SLC30A8: variants seen among roughly 807,000 people sequenced by gnomAD.
The protein encoded by SLC30A8 is proton-coupled zinc antiporter SLC30A8.
A neutral mutation model predicts 36.9 loss-of-function variants in SLC30A8; 27 were observed. The ratio of observed to expected loss-of-function variants is 0.73; its 90% CI spans 0.54 to 1.01. The LOEUF (loss-of-function observed/expected upper bound fraction) is 1.01. Among genes scored for constraint, SLC30A8 ranks in the 50% least tolerant of loss-of-function variants. The pLI is 0.00. For synonymous variants in SLC30A8, 164 were observed against 172.4 expected (o/e 0.95, Z 0.38); for missense variants, 439 against 452.0 (o/e 0.97, Z 0.26).
chr8:116,987,719 T>C (rs573676250), intron 1 of SLC30A8, among the ~76,000 whole-genome samples: 7 of 152,298 alleles, frequency 4.6e-5, no homozygotes. Flanking sequence ...TTTCTGAGAC[T>C]GAGTATCACT....
In SLC30A8 at chr8:117,172,953, T is replaced by C. The variant is rs1366756095; in HGVS notation, c.*272T>C. On this transcript the variant is annotated 3_prime_UTR_variant, in exon 8 of 8. Coordinates refer to ENST00000456015, the MANE Select transcript of SLC30A8 (RefSeq NM_173851.3). ...GAGTGGAGCCGAAGTAACAGCTGTT[T>C]GTAACTATCGGCAATACCAAATTCA... The C allele has an allele frequency of 5.0e-6, 2 of 399,518 alleles. No homozygotes were observed. The highest frequency in any genetic ancestry group is 4.1e-5 in the African/African-American group (2 of 49,132). 24.7% of individuals were successfully genotyped at this position (399,518 alleles called of 1,614,324 possible).
At position 117,171,029 on chromosome 8, in the gene SLC30A8, G is replaced by A; in HGVS notation, c.830-5G>A. 2 of 1,582,170 alleles carry A rather than the reference G, an allele frequency of 1.3e-6. No homozygotes were observed. Among genetic ancestry groups the A allele is most frequent in the Non-Finnish European group, 1.7e-6 (2 of 1,165,916 alleles). ...CTACAGCCTCCATCTCTTCCCTTTTGTCAGGTGTGCCAAAGAGCCTGAATT... is the reference window on the plus strand; with the variant it reads ...CTACAGCCTCCATCTCTTCCCTTTTATCAGGTGTGCCAAAGAGCCTGAATT... On this transcript the variant is annotated splice_region_variant and splice_polypyrimidine_tract_variant and intron_variant, in intron 6 of 7. Transcript: ENST00000456015.
intron 1 of SLC30A8, among the ~76,000 whole-genome samples, chr8:116,997,346 A>G (rs984075501): frequency 1.3e-5 from 2 of 152,208 alleles, no homozygotes; most frequent in Non-Finnish European, 2.9e-5. Flanking sequence ...ATGCAAAAAC[A>G]TTAATTTTTA....
chr8:117,157,856 C>CCTG lies in SLC30A8; in HGVS notation c.572+13_572+15dup. ...GCGGCCAACATTGTGTAAGTCATCCCCTGGTCCCCACACACTGCTCATGAG... is the reference window on the plus strand; with the variant it reads ...GCGGCCAACATTGTGTAAGTCATCCCCTGCTGGTCCCCACACACTGCTCATGAG... On this transcript the variant is annotated intron_variant, in intron 4 of 7. Coordinates refer to ENST00000456015, the MANE Select transcript of SLC30A8 (RefSeq NM_173851.3). 6.2e-7 allele frequency: 1 copy of CCTG among 1,613,556 alleles called. No homozygotes were observed. Among genetic ancestry groups the CCTG allele is most frequent in the Non-Finnish European group, 8.5e-7 (1 of 1,179,770 alleles).
chr8:117,152,549 C>G (rs968640859), intron 2 of SLC30A8, among the ~76,000 whole-genome samples: 1 of 152,166 alleles, frequency 6.6e-6, no homozygotes, highest in East Asian at 1.9e-4. Flanking sequence ...ATCGCAACAT[C>G]TAGTTTATAA....
At chr8:116,960,441 T>C (rs1814379329) in intron 1 of SLC30A8, among the ~76,000 whole-genome samples, 1 of 152,216 alleles carries the variant, frequency 6.6e-6, no homozygotes. Context: ...TACTGGGACA[T>C]TGTGGTAAGA....
At chr8:117,102,755 A>G (rs1209143898) in intron 2 of SLC30A8, among the ~76,000 whole-genome samples, 7 of 152,210 alleles carry the variant, frequency 4.6e-5, no homozygotes, top group African/African-American at 1.7e-4. Context: ...TCTGTATCCA[A>G]ATGTCTCTCT....
rs1381917578 is a variant in SLC30A8, at chr8:117,147,029, C to T, written c.147C>T (p.Gly49=). The T allele has an allele frequency of 6.2e-7, 1 of 1,614,092 alleles. No individual in the cohort carries two copies. The highest frequency in any genetic ancestry group is 1.3e-5 in the African/African-American group (1 of 75,026). The change falls in exon 2 of 8, where the codon GGC becomes GGT. Residue 49 remains glycine (G), a synonymous_variant. Transcript: ENST00000456015. ...RERPEELESG[G]MYHCHSGSKP... Reference sequence around the variant, plus strand: ...GACCAGAGGAGCTGGAGTCAGGAGGCATGTACCACTGCCACAGTGGCTCCA... The same window carrying T: ...GACCAGAGGAGCTGGAGTCAGGAGGTATGTACCACTGCCACAGTGGCTCCA...
chr8:117,004,844 G>A (rs528948504), intron 1 of SLC30A8, among the ~76,000 whole-genome samples: 7 of 151,860 alleles, frequency 4.6e-5, no homozygotes, highest in East Asian at 1.9e-4. Flanking sequence ...GCCATCTTTC[G>A]ATGCACGTTT....
intron 2 of SLC30A8, among the ~76,000 whole-genome samples, chr8:117,097,396 CAAAAAAAA>C (rs1157294543): frequency 2.8e-4 from 7 of 25,050 alleles, no homozygotes; most frequent in African/African-American, 5.5e-4. Flanking sequence ...GACTCCATCT[CAAAAAAAA>C]AAAAAAAAAA....
intron 1 of SLC30A8, among the ~76,000 whole-genome samples, chr8:116,991,166 GA>G (rs1276485511): frequency 6.6e-6 from 1 of 152,092 alleles, no homozygotes; most frequent in African/African-American, 2.4e-5. Context: ...GATTCTAGAA[GA>G]ATAGTCATCG....
chr8:117,075,467 C>T (rs1230341983), intron 2 of SLC30A8, among the ~76,000 whole-genome samples: 1 of 152,138 alleles, frequency 6.6e-6, no homozygotes, highest in Non-Finnish European at 1.5e-5. Context: ...GGATTTCTAG[C>T]CCAGTGCTTT....
At chr8:117,033,917 T>C (rs1045922383) in intron 1 of SLC30A8, among the ~76,000 whole-genome samples, 2 of 152,202 alleles carry the variant, frequency 1.3e-5, no homozygotes, top group Non-Finnish European at 2.9e-5. Context: ...TTGTATTTTT[T>C]CCTAAGCTAA....
chr8:117,130,160 G>A (rs1016223923), upstream of SLC30A8: 2 of 152,056 alleles, frequency 1.3e-5, no homozygotes, highest in South Asian at 2.1e-4. Flanking sequence ...TAGTTGTAAC[G>A]CCTTGTGGTT....
chr8:117,015,607 A>T (rs1350597244), intron 1 of SLC30A8, among the ~76,000 whole-genome samples: 1 of 151,942 alleles, frequency 6.6e-6, no homozygotes, highest in East Asian at 1.9e-4. Context: ...CAAGAAGGGG[A>T]CATAGAATAC....
intron 1 of SLC30A8, among the ~76,000 whole-genome samples, chr8:117,138,075 A>AAAAAAG (rs1563620483): frequency 3.4e-5 from 5 of 148,094 alleles, no homozygotes; most frequent in African/African-American, 1.3e-4. Context: ...AAAAAAAAAA[A>AAAAAAG]AAAAAGAAAA....
chr8:117,159,154 C>CTTTAGATTTCTGACCTCCAGAACT (rs1822650642), intron 4 of SLC30A8, among the ~76,000 whole-genome samples: 1 of 152,072 alleles, frequency 6.6e-6, no homozygotes, highest in Non-Finnish European at 1.5e-5. Context: ...TAGAGACCCA[C>CTTTAGATTTCTGACCTCCAGAACT]TTTAGATTTC....
chr8:117,132,531 A>G (rs1471072180), upstream of SLC30A8, among the ~76,000 whole-genome samples: 1 of 152,038 alleles, frequency 6.6e-6, no homozygotes. Context: ...CTGGTTGCCT[A>G]GGAAACTGAA....
At chr8:117,149,813 A>G (rs538080154) in intron 2 of SLC30A8, among the ~76,000 whole-genome samples, 3 of 152,112 alleles carry the variant, frequency 2.0e-5, no homozygotes, top group Non-Finnish European at 4.4e-5. Context: ...GTTTCCATTC[A>G]TTCCTTTTTC....
Sources: allele counts gnomAD v4.1 joint callset (sites outside exome capture counted in the v4.1 genomes callset), GRCh38; gene constraint gnomAD v4.1.1; transcripts MANE v1.5; gene names NCBI Gene and HGNC (gene_info 2026-07-23, HGNC 2026-07-21).